THSD4: variants seen among roughly 807,000 people sequenced by gnomAD.
The protein encoded by THSD4 is thrombospondin type-1 domain-containing protein 4.
A neutral mutation model predicts 119.0 loss-of-function variants in THSD4; 69 were observed. The ratio of observed to expected loss-of-function variants is 0.58; its 90% CI spans 0.48 to 0.71. THSD4 has a LOEUF of 0.71. THSD4 is among the 30% of genes least tolerant of loss of function. The probability of loss-of-function intolerance (pLI) is 0.00; values close to 1 mark genes in which losing one functional copy is unlikely to be tolerated. For synonymous variants in THSD4, 524 were observed against 540.4 expected, an observed-to-expected ratio of 0.97 and a Z score of 0.42; for missense variants, 1,393 against 1,391.1, an observed-to-expected ratio of 1.00 and a Z score of -0.02.
intron 6 of THSD4, among the ~76,000 whole-genome samples, chr15:71,375,583 A>G (rs900253043): frequency 6.6e-6 from 1 of 152,178 alleles, no homozygotes; most frequent in African/African-American, 2.4e-5. Flanking sequence ...TTCCACAAGC[A>G]GTATTGATGA....
chr15:71,151,712 G>A (rs1211866935), intron 2 of THSD4, among the ~76,000 whole-genome samples: 2 of 152,162 alleles, frequency 1.3e-5, no homozygotes, highest in Admixed American at 6.5e-5. Context: ...CTGGGAACCC[G>A]CTGTCTCTAA....
intron 7 of THSD4, among the ~76,000 whole-genome samples, chr15:71,636,686 T>C (rs1021200435): frequency 3.9e-5 from 6 of 152,050 alleles, no homozygotes; most frequent in African/African-American, 9.7e-5. Context: ...GAGAAATCTT[T>C]TTTTGCCCAG....
chr15:71,551,490 A>C (rs975769467), intron 7 of THSD4, among the ~76,000 whole-genome samples: 1 of 152,214 alleles, frequency 6.6e-6, no homozygotes, highest in Non-Finnish European at 1.5e-5. Context: ...GGTCTTCAAG[A>C]TAACCCCTAA....
intron 7 of THSD4, among the ~76,000 whole-genome samples, chr15:71,642,659 A>G (rs1249830906): frequency 6.6e-6 from 1 of 152,106 alleles, no homozygotes; most frequent in Non-Finnish European, 1.5e-5. Flanking sequence ...AGGGACACGG[A>G]TGAAGTTGGA....
At chr15:71,208,017 G>C (rs79840358) in intron 3 of THSD4, among the ~76,000 whole-genome samples, 3,815 of 152,278 alleles carry the variant, frequency 0.025, 166 homozygotes, top group African/African-American at 0.087. Context: ...CACATGATTG[G>C]TCTCAGCATA....
intron 7 of THSD4, among the ~76,000 whole-genome samples, chr15:71,599,728 G>T (rs1034535005): frequency 6.6e-6 from 1 of 152,180 alleles, no homozygotes; most frequent in East Asian, 1.9e-4. Flanking sequence ...CCGCTCAGCC[G>T]CTCCAGTGGA....
At chr15:71,220,553 A>G (rs1035284828) in intron 4 of THSD4, among the ~76,000 whole-genome samples, 28 of 152,192 alleles carry the variant, frequency 1.8e-4, no homozygotes, top group Admixed American at 1.8e-3. Flanking sequence ...GAAATAATAC[A>G]TTCATATTGC....
intron 14 of THSD4, among the ~76,000 whole-genome samples, chr15:71,750,296 T>TC (rs1055686697): frequency 6.6e-6 from 1 of 152,180 alleles, no homozygotes; most frequent in Non-Finnish European, 1.5e-5. Flanking sequence ...ATTGGCTGAC[T>TC]CCAACTGGTC....
chr15:71,343,057 T>G (rs993133625), intron 6 of THSD4, among the ~76,000 whole-genome samples: 1 of 152,204 alleles, frequency 6.6e-6, no homozygotes, highest in Admixed American at 6.5e-5. Flanking sequence ...GAGGGAAAAT[T>G]ATTTCTTCTC....
intron 3 of THSD4, among the ~76,000 whole-genome samples, chr15:71,188,023 T>C (rs2043628712): frequency 6.6e-6 from 1 of 152,226 alleles, no homozygotes; most frequent in African/African-American, 2.4e-5. Context: ...TAATAGTGCC[T>C]CTTTTCACTC....
intron 7 of THSD4, among the ~76,000 whole-genome samples, chr15:71,653,854 G>A (rs1298620563): frequency 6.6e-6 from 1 of 152,290 alleles, no homozygotes; most frequent in African/African-American, 2.4e-5. Flanking sequence ...AATCAAGTGG[G>A]TGTATATGAT....
At chr15:71,236,245 C>T (rs982918483) in intron 4 of THSD4, among the ~76,000 whole-genome samples, 1 of 152,208 alleles carries the variant, frequency 6.6e-6, no homozygotes, top group Non-Finnish European at 1.5e-5. Flanking sequence ...CTCACTCTGC[C>T]CACTCCCCTC....
At chr15:71,597,107 C>T (rs2049919906) in intron 7 of THSD4, among the ~76,000 whole-genome samples, 1 of 152,016 alleles carries the variant, frequency 6.6e-6, no homozygotes, top group Non-Finnish European at 1.5e-5. Context: ...CCAAAAAATA[C>T]TGTTGTTTTA....
chr15:71,245,500 G>C (rs1386743395), intron 5 of THSD4, among the ~76,000 whole-genome samples: 1 of 152,124 alleles, frequency 6.6e-6, no homozygotes, highest in Non-Finnish European at 1.5e-5. Context: ...ACTTATTACA[G>C]CCAAAGGATT....
intron 17 of THSD4, among the ~76,000 whole-genome samples, chr15:71,773,488 T>C (rs2053861447): frequency 1.3e-5 from 2 of 152,226 alleles, no homozygotes; most frequent in Non-Finnish European, 2.9e-5. Flanking sequence ...ATGGTATCTT[T>C]TCAAGCAGGG....
chr15:71,287,945 T>G (rs2044738936), intron 6 of THSD4, among the ~76,000 whole-genome samples: 1 of 152,174 alleles, frequency 6.6e-6, no homozygotes, highest in South Asian at 2.1e-4. Flanking sequence ...TGGGAAATTT[T>G]TTTGAGAAGA....
intron 1 of THSD4, among the ~76,000 whole-genome samples, chr15:71,137,927 G>T (rs950011562): frequency 1.3e-5 from 2 of 152,136 alleles, no homozygotes; most frequent in Non-Finnish European, 2.9e-5. Context: ...TGTTTTCAAA[G>T]GTTTTGATAA....
chr15:71,256,245 C>T (rs991055476), intron 5 of THSD4, among the ~76,000 whole-genome samples: 6 of 152,038 alleles, frequency 3.9e-5, no homozygotes, highest in Non-Finnish European at 7.4e-5. Flanking sequence ...GAGGCTGAGG[C>T]GGGTGGATCA....
intron 3 of THSD4, among the ~76,000 whole-genome samples, chr15:71,209,667 C>A (rs1362869040): frequency 6.6e-6 from 1 of 152,162 alleles, no homozygotes; most frequent in Non-Finnish European, 1.5e-5. Context: ...ATTTAAATAA[C>A]TTTACCCTAG....
Sources: allele counts gnomAD v4.1 joint callset (sites outside exome capture counted in the v4.1 genomes callset), GRCh38; gene constraint gnomAD v4.1.1; transcripts MANE v1.5; gene names NCBI Gene and HGNC (gene_info 2026-07-23, HGNC 2026-07-21).